The following STEAP3 variants were observed in gnomAD, a reference collection of about 807,000 sequenced individuals.
STEAP3 encodes the protein metalloreductase STEAP3.
A neutral mutation model predicts 34.9 loss-of-function variants in STEAP3; 35 were observed. The ratio of observed to expected loss-of-function variants is 1.00; its 90% CI spans 0.76 to 1.33. The LOEUF is 1.33. Among genes scored for constraint, STEAP3 ranks in the 40% most tolerant of loss-of-function variants. STEAP3 has a pLI of 0.00. For missense variants in STEAP3, 652 were observed against 667.6 expected (o/e 0.98, Z 0.26); for synonymous variants, 281 against 301.6 (o/e 0.93, Z 0.71).
At position 119,231,032 on chromosome 2, in the gene STEAP3, T is replaced by G; in HGVS notation, c.20T>G (p.Val7Gly). 1.2e-6 allele frequency: 2 copies of G among 1,614,142 alleles called. No homozygotes were observed. Among genetic ancestry groups the G allele is most frequent in the Non-Finnish European group, 1.7e-6 (2 of 1,180,024 alleles). MSHQPA[V>G]ATKMPEEMDK... The stretch of plus-strand genomic sequence containing the variant: ...AGCCGGATGTCGCACCAGCCTGCTG[T>G]TGGTAAGTCTGGCTAGGACGCAGAT... Residue 7 changes from valine to glycine, a missense_variant and splice_region_variant, in exon 2 of 6, where the codon GTT (valine) becomes GGT (glycine). Physicochemically the swap from Val to Gly is moderately radical, Grantham distance 109 (BLOSUM62 -3). Transcript: ENST00000393110.
intron 5 of STEAP3, among the ~76,000 whole-genome samples, chr2:119,256,157 G>A (rs1677767383): frequency 1.3e-5 from 2 of 152,214 alleles, no homozygotes; most frequent in African/African-American, 4.8e-5. Context: ...CAGTGACAGC[G>A]TAATGCTCTT....
chr2:119,231,059 C>T (rs769911084), intron 2 of STEAP3, 25 bp downstream of exon 2: 1 of 1,614,040 alleles, frequency 6.2e-7, no homozygotes, highest in African/African-American at 1.3e-5. Flanking sequence ...GACGCAGATC[C>T]AAGGGGGCAT....
At chr2:119,251,156 G>C (rs1313674200) in intron 4 of STEAP3, among the ~76,000 whole-genome samples, 1 of 152,194 alleles carries the variant, frequency 6.6e-6, no homozygotes, top group Non-Finnish European at 1.5e-5. Flanking sequence ...CCAAACAGCA[G>C]GGACTCCTGG....
chr2:119,243,602 T>C (rs1268090324), intron 2 of STEAP3, among the ~76,000 whole-genome samples: 2 of 152,228 alleles, frequency 1.3e-5, no homozygotes, highest in Non-Finnish European at 2.9e-5. Context: ...GCAATGGGTG[T>C]ATGGTAGGCA....
intron 5 of STEAP3, among the ~76,000 whole-genome samples, chr2:119,262,304 A>C (rs1162039624): frequency 6.6e-6 from 1 of 152,034 alleles, no homozygotes; most frequent in Non-Finnish European, 1.5e-5. Flanking sequence ...TCTAATATAC[A>C]TTAAAATACA....
chr2:119,231,136 C>T (rs1210843971), intron 2 of STEAP3, 102 bp downstream of exon 2: 1 of 1,501,950 alleles, frequency 6.7e-7, no homozygotes. Flanking sequence ...GGAGGGTGCC[C>T]CTTGAATCTC....
intron 2 of STEAP3, among the ~76,000 whole-genome samples, chr2:119,237,369 A>G (rs1346903520): frequency 2.0e-5 from 3 of 152,186 alleles, no homozygotes; most frequent in Non-Finnish European, 2.9e-5. Context: ...AGAGAGAGAG[A>G]GAGGGTAGGG....
intron 4 of STEAP3, among the ~76,000 whole-genome samples, chr2:119,254,012 A>G (rs1274917773): frequency 6.6e-6 from 1 of 151,424 alleles, no homozygotes; most frequent in Non-Finnish European, 1.5e-5. Flanking sequence ...AGAACTGGGT[A>G]GGAAGAGGGG....
chr2:119,237,254 T>A (rs1162041100), intron 2 of STEAP3, among the ~76,000 whole-genome samples: 2 of 152,214 alleles, frequency 1.3e-5, no homozygotes, highest in Non-Finnish European at 2.9e-5. Context: ...ATATCCCACC[T>A]GACCACTTGC....
chr2:119,245,633 G>A lies in STEAP3; in HGVS notation c.167G>A (p.Arg56His), dbSNP rs778910171. ...GACTTTGCCCGCTCCCTGGCCACAC[G>A]CCTGGTGGGCTCTGGCTTCAAAGTG... ...SGDFARSLATRLVGSGFKVVV... is the reference protein window; with the variant it reads ...SGDFARSLATHLVGSGFKVVV... The change falls in exon 3 of 6, where the codon CGC becomes CAC. Residue 56 changes from arginine to histidine, a missense_variant. By Grantham distance (29) the Arg-to-His change is conservative (BLOSUM62 0). Coordinates refer to ENST00000393110, the MANE Select transcript of STEAP3 (RefSeq NM_182915.3). 6.2e-6 allele frequency: 10 copies of A among 1,611,100 alleles called. No homozygotes were observed. The highest frequency in any genetic ancestry group is 1.1e-5 in the South Asian group (1 of 91,058).
At chr2:119,258,511 C>T (rs1246397495) in intron 5 of STEAP3, among the ~76,000 whole-genome samples, 3 of 151,592 alleles carry the variant, frequency 2.0e-5, no homozygotes, top group Non-Finnish European at 4.4e-5. Context: ...ATTGATTCCA[C>T]AAAGAGGTGA....
Position 119,245,632 on chromosome 2 carries a change from C to A in STEAP3, c.166C>A (p.Arg56Ser). 1 of 1,611,148 alleles carries A rather than the reference C, an allele frequency of 6.2e-7. No individual in the cohort carries two copies. Residue 56 changes from arginine to serine, a missense_variant, in exon 3 of 6, where the codon CGC (arginine) becomes AGC (serine). By Grantham distance (110) the Arg-to-Ser change is moderately radical (BLOSUM62 -1). Transcript: ENST00000393110. The part of the protein sequence containing the change: ...SGDFARSLAT[R>S]LVGSGFKVVV... ...GGACTTTGCCCGCTCCCTGGCCACACGCCTGGTGGGCTCTGGCTTCAAAGT... is the reference window on the plus strand; with the variant it reads ...GGACTTTGCCCGCTCCCTGGCCACAAGCCTGGTGGGCTCTGGCTTCAAAGT...
At chr2:119,231,678 T>C (rs1421154369) in intron 2 of STEAP3, among the ~76,000 whole-genome samples, 1 of 152,186 alleles carries the variant, frequency 6.6e-6, no homozygotes, top group Non-Finnish European at 1.5e-5. Context: ...GCTTGAGTTT[T>C]CTGTATTCTC....
At chr2:119,240,769 C>T (rs1041682986) in intron 2 of STEAP3, among the ~76,000 whole-genome samples, 4 of 152,176 alleles carry the variant, frequency 2.6e-5, no homozygotes, top group African/African-American at 9.7e-5. Flanking sequence ...AGACAGGCCT[C>T]GGCCCACAGA....
intron 1 of STEAP3, among the ~76,000 whole-genome samples, chr2:119,224,359 G>A (rs1033385532): frequency 1.3e-5 from 2 of 152,212 alleles, no homozygotes; most frequent in African/African-American, 4.8e-5. Context: ...CAGGGACAGG[G>A]GCAGGTGCAG....
At chr2:119,229,674 A>T (rs552087090) in intron 1 of STEAP3, among the ~76,000 whole-genome samples, 1 of 152,072 alleles carries the variant, frequency 6.6e-6, no homozygotes, top group Non-Finnish European at 1.5e-5. Flanking sequence ...AGAGATTGTC[A>T]GGGGTGGGCG....
At chr2:119,225,851 C>T (rs958907593) in intron 1 of STEAP3, among the ~76,000 whole-genome samples, 1 of 152,230 alleles carries the variant, frequency 6.6e-6, no homozygotes, top group African/African-American at 2.4e-5. Flanking sequence ...GGGCTTCAAA[C>T]AGGATATCCT....
At chr2:119,253,258 C>T (rs1294837609) in intron 4 of STEAP3, among the ~76,000 whole-genome samples, 14 of 152,244 alleles carry the variant, frequency 9.2e-5, no homozygotes, top group Non-Finnish European at 2.1e-4. Flanking sequence ...GGTCCCTAGA[C>T]TCCTGGTCCC....
chr2:119,262,958 C>G, intron 5 of STEAP3, 99 bp from the exon 6 acceptor site: 1 of 1,526,894 alleles, frequency 6.5e-7, no homozygotes, highest in South Asian at 1.2e-5. Context: ...ACTAAAGCCA[C>G]CCTCCTTCCC....
Sources: allele counts gnomAD v4.1 joint callset (sites outside exome capture counted in the v4.1 genomes callset), GRCh38; gene constraint gnomAD v4.1.1; transcripts MANE v1.5; gene names NCBI Gene and HGNC (gene_info 2026-07-23, HGNC 2026-07-21).